ZNF483: variants seen among roughly 807,000 people sequenced by gnomAD.
The protein encoded by ZNF483 is zinc finger protein HIT-10.
ZNF483 carries 9 observed loss-of-function variants against 28.6 expected under a neutral mutation model. That is an observed-to-expected ratio of 0.32 (90% CI 0.19 to 0.55). The LOEUF is 0.55. Among genes scored for constraint, ZNF483 ranks in the 20% least tolerant of loss-of-function variants. The pLI is 0.93. For missense variants in ZNF483, 675 were observed against 871.7 expected (o/e 0.77, Z 2.84); for synonymous variants, 322 against 306.2 (o/e 1.05, Z -0.54).
At chr9:111,557,673 G>A (rs1207131133), downstream of ZNF483, among the ~76,000 whole-genome samples, 4 of 151,944 alleles carry the variant, frequency 2.6e-5, no homozygotes, top group African/African-American at 4.8e-5. Flanking sequence ...CAAGTGATCC[G>A]CCCACCTCGG....
chr9:111,569,074 A>C (rs924361351), intron 5 of ZNF483, among the ~76,000 whole-genome samples: 1 of 152,248 alleles, frequency 6.6e-6, no homozygotes, highest in African/African-American at 2.4e-5. Context: ...TGAGCAGGAA[A>C]GATCAAAATA....
rs1827794435 is a variant in ZNF483 at position 111,545,827 on chromosome 9, A to G, written c.*2657A>G. 3.9e-5 allele frequency among the ~76,000 whole-genome samples: 6 copies of G among 152,320 alleles called. No homozygotes were observed. The South Asian group carries it at 1.0e-3, about 26-fold the overall frequency. On this transcript the variant is annotated 3_prime_UTR_variant, in exon 6 of 6. Transcript: ENST00000309235. ...TTTTTCCAGTTTTTGCCTGTTAGGA[A>G]TAATGCTGCTTTGAACATTGGTATG...
chr9:111,572,503 T>C (rs1165051373), intron 5 of ZNF483, among the ~76,000 whole-genome samples: 1 of 152,028 alleles, frequency 6.6e-6, no homozygotes, highest in African/African-American at 2.4e-5. Flanking sequence ...GGCAGGAGAA[T>C]CGCTTGAACC....
exon 6 of ZNF483, chr9:111,576,684 A>G (rs1014982536): frequency 5.8e-6 from 2 of 347,368 alleles, no homozygotes; most frequent in Admixed American, 9.0e-5. Context: ...AAACATGTAC[A>G]TATTTCCCCT....
chr9:111,559,972 A>G (rs1256485183), downstream of ZNF483, among the ~76,000 whole-genome samples: 4 of 152,126 alleles, frequency 2.6e-5, no homozygotes, highest in Admixed American at 2.6e-4. Context: ...TCATTGTACT[A>G]CAATTTATTT....
chr9:111,543,555 C>T lies in ZNF483; in HGVS notation c.*385C>T, dbSNP rs949040510. ...CTTGCTGTATACACCTTGGACAAGT[C>T]ATTTGACCTTTCAGAATTTTATTTT... On this transcript the variant is annotated 3_prime_UTR_variant, in exon 6 of 6. Coordinates refer to ENST00000309235, the MANE Select transcript of ZNF483 (RefSeq NM_133464.5). 7.0e-6 allele frequency: 7 copies of T among 994,944 alleles called. No homozygotes were observed. In the African/African-American group the frequency reaches 1.2e-4, roughly 17 times the overall value. 61.6% of individuals were successfully genotyped at this position (994,944 alleles called of 1,614,324 possible). A position where few individuals can be genotyped will look rare whatever the true frequency, so the allele number is the denominator to read the frequency against.
At chr9:111,539,011 G>A (rs907661193) in intron 5 of ZNF483, among the ~76,000 whole-genome samples, 8 of 151,296 alleles carry the variant, frequency 5.3e-5, no homozygotes, top group African/African-American at 1.9e-4. Flanking sequence ...TGCTAGGGAG[G>A]CTGAGGCAGG....
At position 111,549,601 on chromosome 9, in the gene ZNF483, T is replaced by C; in HGVS notation, c.*6431T>C. On this transcript the variant is annotated 3_prime_UTR_variant, in exon 6 of 6. Transcript: ENST00000309235. ...GAGTGGGTCGATAATCTACAAGCTTTGCTAAACCTACCTGTAGCTCTTCTG... is the reference window on the plus strand; with the variant it reads ...GAGTGGGTCGATAATCTACAAGCTTCGCTAAACCTACCTGTAGCTCTTCTG... The C allele has an allele frequency of 6.0e-6, 5 of 831,534 alleles. No homozygotes were observed. The highest frequency in any genetic ancestry group is 7.5e-6 in the Non-Finnish European group (4 of 532,332). 51.5% of individuals were successfully genotyped at this position (831,534 alleles called of 1,614,324 possible). A position where few individuals can be genotyped will look rare whatever the true frequency, so the allele number is the denominator to read the frequency against.
downstream of ZNF483, among the ~76,000 whole-genome samples, chr9:111,560,157 C>A (rs545445401): frequency 2.6e-5 from 4 of 151,760 alleles, no homozygotes; most frequent in South Asian, 8.3e-4. Flanking sequence ...ACCAGCCTGG[C>A]CAACATGGCA....
Position 111,545,086 on chromosome 9 carries a change from A to G in ZNF483, c.*1916A>G, listed in dbSNP as rs12341009. Among the ~76,000 whole-genome samples, 48,317 of 152,004 alleles carry G rather than the reference A, an allele frequency of 0.32. 8,774 individuals are homozygous for G. Among genetic ancestry groups the G allele is most frequent in the Non-Finnish European group, 0.42 (28,752 of 67,952 alleles). On this transcript the variant is annotated 3_prime_UTR_variant, in exon 6 of 6. Transcript: ENST00000309235. Reference sequence around the variant, plus strand: ...GGAGAAGGTTTTTGGTGCCTCCCCAACCCCAAGCCTGCAGTTTAAATATTG... The same window carrying G: ...GGAGAAGGTTTTTGGTGCCTCCCCAGCCCCAAGCCTGCAGTTTAAATATTG...
At chr9:111,569,540 G>C (rs1190570603) in intron 5 of ZNF483, among the ~76,000 whole-genome samples, 1 of 152,188 alleles carries the variant, frequency 6.6e-6, no homozygotes, top group African/African-American at 2.4e-5. Context: ...CACTTTGGGA[G>C]ACTGAGGCGG....
rs1827939893 is a variant in ZNF483, at chr9:111,551,394, G to GTTTTTGT, written c.*8230_*8236dup. On this transcript the variant is annotated 3_prime_UTR_variant, in exon 6 of 6. Transcript: ENST00000309235. The stretch of plus-strand genomic sequence containing the variant: ...TTCCAATAACTGAATCAAGTATCCA[G>GTTTTTGT]TTTTTGTTTTTTTTTTTTTTTTTTT... Among the ~76,000 whole-genome samples the GTTTTTGT allele has an allele frequency of 8.7e-6, 1 of 115,498 alleles. No homozygotes were observed. Among genetic ancestry groups the GTTTTTGT allele is most frequent in the Non-Finnish European group, 1.7e-5 (1 of 57,266 alleles). 75.8% of individuals were successfully genotyped at this position (115,498 alleles called of 152,430 possible).
rs1827834863 is a variant in ZNF483, at chr9:111,547,548, A to G, written c.*4378A>G. 6.6e-6 allele frequency among the ~76,000 whole-genome samples: 1 copy of G among 152,124 alleles called. No individual in the cohort carries two copies. The highest frequency in any genetic ancestry group is 1.5e-5 in the Non-Finnish European group (1 of 67,984). ...TTAATATATCCAGAATATATAAAGA[A>G]CTTTTCAGATAAATGATTTGCAAAT... is the stretch of plus-strand genomic sequence containing the variant. On this transcript the variant is annotated 3_prime_UTR_variant, in exon 6 of 6. Transcript: ENST00000309235.
rs1229793245 is a variant in ZNF483, at chr9:111,549,504, T to C, written c.*6334T>C. Among the ~76,000 whole-genome samples the C allele has an allele frequency of 6.6e-6, 1 of 152,172 alleles. No individual in the cohort carries two copies. On this transcript the variant is annotated 3_prime_UTR_variant, in exon 6 of 6. Coordinates refer to ENST00000309235, the MANE Select transcript of ZNF483 (RefSeq NM_133464.5). ...TGAGGTATCTTTCTCTCAGAGTCTT[T>C]TTTATGAAGTCTGATGTTGAGAGGT...
intron 5 of ZNF483, among the ~76,000 whole-genome samples, chr9:111,535,273 T>A (rs896032521): frequency 6.6e-6 from 1 of 152,208 alleles, no homozygotes; most frequent in Non-Finnish European, 1.5e-5. Context: ...CTAGAGGACG[T>A]ATCGAAACAA....
Position 111,527,770 on chromosome 9 carries a change from C to T in ZNF483, c.375C>T (p.Thr125=). Residue 125 remains threonine, a synonymous_variant, in exon 2 of 6, where the codon ACC becomes ACT. Transcript: ENST00000309235. Reference sequence around the variant, plus strand: ...CTGAGAGTAGTGAGGAAGTGGTGACCCTAATAGAAGATTTGACCCAGATGC... The same window carrying T: ...CTGAGAGTAGTGAGGAAGTGGTGACTCTAATAGAAGATTTGACCCAGATGC... ...QHPESSEEVV[T]LIEDLTQMLE... 1 of 1,613,950 alleles carries T rather than the reference C, an allele frequency of 6.2e-7. No individual in the cohort carries two copies. The highest frequency in any genetic ancestry group is 8.5e-7 in the Non-Finnish European group (1 of 1,180,004).
intron 5 of ZNF483, among the ~76,000 whole-genome samples, chr9:111,567,830 G>A (rs917178864): frequency 1.3e-5 from 2 of 152,180 alleles, no homozygotes; most frequent in Admixed American, 1.3e-4. Flanking sequence ...GACCCCAAAC[G>A]GAGGGACTGG....
chr9:111,564,268 A>G, intron 5 of ZNF483: 1 of 839,916 alleles, frequency 1.2e-6, no homozygotes. Context: ...GGAAGCTGAA[A>G]TTTAAACTTT....
In ZNF483 at chr9:111,554,439, C is replaced by T. The variant is rs1000088513; in HGVS notation, c.*11269C>T. Among the ~76,000 whole-genome samples the T allele has an allele frequency of 3.3e-5, 5 of 152,212 alleles. No homozygotes were observed. Among genetic ancestry groups the T allele is most frequent in the East Asian group, 3.8e-4 (2 of 5,200 alleles). ...TTATTTCTACCACAGTCTGTTCTTTCGGTCACCAAACTCTTTCTTCCCACA... is the reference window on the plus strand; with the variant it reads ...TTATTTCTACCACAGTCTGTTCTTTTGGTCACCAAACTCTTTCTTCCCACA... On this transcript the variant is annotated 3_prime_UTR_variant, in exon 6 of 6. Transcript: ENST00000309235.
Sources: gnomAD v4.1 joint callset for allele counts (sites outside exome capture counted in the v4.1 genomes callset) on GRCh38, gnomAD v4.1.1 for gene constraint, MANE v1.5 for transcripts, NCBI Gene and HGNC (gene_info 2026-07-23, HGNC 2026-07-21) for gene names.